The following DAPK2 variants were observed in gnomAD, a reference collection of about 807,000 sequenced individuals.
The protein encoded by DAPK2 is death associated protein kinase 2, also known as death-associated protein kinase 2.
DAPK2 carries 35 observed loss-of-function variants against 44.1 expected under a neutral mutation model. That is an observed-to-expected ratio of 0.79 (90% CI 0.61 to 1.05). The LOEUF (loss-of-function observed/expected upper bound fraction) is 1.05, where lower values mean the gene tolerates loss of function less well. Among genes scored for constraint, DAPK2 ranks in the 50% least tolerant of loss-of-function variants. The probability of loss-of-function intolerance (pLI) is 0.00; values close to 1 mark genes in which losing one functional copy is unlikely to be tolerated. For missense variants in DAPK2, 453 were observed against 483.2 expected (o/e 0.94, Z 0.59); for synonymous variants, 174 against 182.6 (o/e 0.95, Z 0.38).
chr15:64,032,779 T>C (rs2080053001), intron 1 of DAPK2, among the ~76,000 whole-genome samples: 1 of 151,760 alleles, frequency 6.6e-6, no homozygotes, highest in East Asian at 1.9e-4. Context: ...GGCGAAACCC[T>C]GTCCCTACAA....
chr15:64,017,451 T>C (rs2079561496), intron 1 of DAPK2, among the ~76,000 whole-genome samples: 1 of 152,222 alleles, frequency 6.6e-6, no homozygotes, highest in Admixed American at 6.5e-5. Flanking sequence ...GTGGCTCTGC[T>C]GGGCCTAGGA....
At chr15:64,000,367 C>A (rs901495831) in intron 1 of DAPK2, among the ~76,000 whole-genome samples, 1 of 152,186 alleles carries the variant, frequency 6.6e-6, no homozygotes, top group Non-Finnish European at 1.5e-5. Flanking sequence ...GTGCACCAAG[C>A]ATACCTGGAC....
intron 1 of DAPK2, among the ~76,000 whole-genome samples, chr15:64,001,370 T>A (rs1364902332): frequency 1.3e-5 from 2 of 152,164 alleles, no homozygotes; most frequent in Non-Finnish European, 2.9e-5. Flanking sequence ...TATGTGATGG[T>A]GTAATCTCCT....
chr15:64,030,748 G>A (rs1317776505), intron 1 of DAPK2, among the ~76,000 whole-genome samples: 1 of 152,052 alleles, frequency 6.6e-6, no homozygotes, highest in Non-Finnish European at 1.5e-5. Flanking sequence ...CGAAAAGAGC[G>A]CTTGAGGCCA....
chr15:63,912,015 T>A lies in DAPK2; in HGVS notation c.949-24A>T, dbSNP rs778610000. Reference sequence around the variant, plus strand: ...AGCTGAGGGAGGCAGAGGAAAGGAATCCCCAGGTGAGAATGTGCATGGAGA... The same window carrying A: ...AGCTGAGGGAGGCAGAGGAAAGGAAACCCCAGGTGAGAATGTGCATGGAGA... On this transcript the variant is annotated intron_variant, in intron 9 of 10. Coordinates refer to ENST00000261891, the Ensembl canonical transcript of DAPK2. This position sits in a 1 kb window ranked among gnomAD's most constrained non-coding sequence, Gnocchi z 4.4. 3 of 1,611,538 alleles carry A rather than the reference T, an allele frequency of 1.9e-6. No homozygotes were observed. Among genetic ancestry groups the A allele is most frequent in the Non-Finnish European group, 2.5e-6 (3 of 1,178,908 alleles).
intron 4 of DAPK2, chr15:63,935,725 G>A (rs895153065): frequency 6.6e-6 from 1 of 151,438 alleles, no homozygotes; most frequent in Admixed American, 6.6e-5. Context: ...TTTTCTTTTT[G>A]TATCTATTTC....
chr15:63,958,793 C>T lies in DAPK2; in HGVS notation c.453+12630G>A, dbSNP rs569901573. Among the ~76,000 whole-genome samples the T allele has an allele frequency of 3.3e-5, 5 of 152,320 alleles. No homozygotes were observed. In the East Asian group the frequency reaches 9.6e-4, roughly 29 times the overall value. ...AGTTTGAAGTCAGGTAGCATGATGCCTCCAGCTTTGTTCTTTTGGCTTAGG... is the reference window on the plus strand; with the variant it reads ...AGTTTGAAGTCAGGTAGCATGATGCTTCCAGCTTTGTTCTTTTGGCTTAGG... On this transcript the variant is annotated intron_variant, in intron 3 of 10. Transcript: ENST00000261891.
intron 1 of DAPK2, among the ~76,000 whole-genome samples, chr15:64,007,920 A>G (rs75888483): frequency 0.084 from 12,737 of 152,306 alleles, 787 homozygotes; most frequent in South Asian, 0.31. Context: ...AGCCAGTCAC[A>G]AAGGACCGCA....
chr15:63,962,421 G>C (rs2077931717), intron 3 of DAPK2, among the ~76,000 whole-genome samples: 2 of 152,198 alleles, frequency 1.3e-5, no homozygotes, highest in Non-Finnish European at 2.9e-5. Flanking sequence ...GAGGAGAAGA[G>C]GCCCTCTGAT....
chr15:63,912,252 C>T lies in DAPK2; in HGVS notation c.859-55G>A, dbSNP rs1489926960. 1 of 1,569,982 alleles carries T rather than the reference C, an allele frequency of 6.4e-7. No individual in the cohort carries two copies. The highest frequency in any genetic ancestry group is 8.7e-7 in the Non-Finnish European group (1 of 1,145,682). ...ATGCTGGGCTTCAGACAGCAGCCAC[C>T]CTCCTCGCCGCAGAACTCCCCACCC... On this transcript the variant is annotated intron_variant, in intron 8 of 10. Coordinates refer to ENST00000261891, the Ensembl canonical transcript of DAPK2. The surrounding 1 kb of genome is among the most constrained non-coding windows in gnomAD (Gnocchi z 4.4).
chr15:63,939,391 A>G lies in DAPK2; in HGVS notation c.454-30T>C. On this transcript the variant is annotated intron_variant, in intron 3 of 10. Coordinates refer to ENST00000261891, the Ensembl canonical transcript of DAPK2. This position sits in a 1 kb window ranked among gnomAD's most constrained non-coding sequence, Gnocchi z 4.3. ...ACAACAAAAAGTAGAAAAAAAAAAA[A>G]GGAAGGAAGAAAAGAAAAAAAAAGA... The G allele has an allele frequency of 1.9e-6, 3 of 1,549,146 alleles. No individual in the cohort carries two copies. Among genetic ancestry groups the G allele is most frequent in the Non-Finnish European group, 1.7e-6 (2 of 1,150,284 alleles).
At chr15:64,003,592 CTTCTT>C (rs142372837) in intron 1 of DAPK2, among the ~76,000 whole-genome samples, 2,279 of 152,006 alleles carry the variant, frequency 0.015, 61 homozygotes, top group African/African-American at 0.053. Flanking sequence ...CTTTTCCTTC[CTTCTT>C]TTCTTTTCTT....
At chr15:63,945,727 C>G (rs1174019867) in intron 3 of DAPK2, among the ~76,000 whole-genome samples, 1 of 152,196 alleles carries the variant, frequency 6.6e-6, no homozygotes, top group Non-Finnish European at 1.5e-5. Context: ...GCCTCAGCCC[C>G]CCAACTGTAA....
At chr15:64,008,509 G>T (rs1428670951) in intron 1 of DAPK2, among the ~76,000 whole-genome samples, 1 of 152,168 alleles carries the variant, frequency 6.6e-6, no homozygotes, top group Non-Finnish European at 1.5e-5. Context: ...AAAGAACATA[G>T]TTTCATAGAC....
intron 1 of DAPK2, chr15:63,991,467 C>A: frequency 2.6e-6 from 1 of 377,604 alleles, no homozygotes; most frequent in Non-Finnish European, 5.2e-6. Context: ...TACTGTCTTT[C>A]TAGTTCCTTG....
chr15:63,943,290 T>C (rs2140474560), intron 3 of DAPK2, among the ~76,000 whole-genome samples: 1 of 152,096 alleles, frequency 6.6e-6, no homozygotes, highest in East Asian at 1.9e-4. Flanking sequence ...TAGCCCAGCA[T>C]GGTGGCACAC....
At chr15:63,913,491 G>A (rs1338179349) in intron 8 of DAPK2, among the ~76,000 whole-genome samples, 1 of 152,172 alleles carries the variant, frequency 6.6e-6, no homozygotes, top group African/African-American at 2.4e-5. Context: ...TGATTCCAAA[G>A]GTCCCGGGCA....
chr15:64,005,128 T>C (rs949867392), intron 1 of DAPK2, among the ~76,000 whole-genome samples: 3 of 151,982 alleles, frequency 2.0e-5, no homozygotes, highest in Admixed American at 6.6e-5. Flanking sequence ...GGGTGCAAGA[T>C]TGTGGGTTTG....
intron 1 of DAPK2, among the ~76,000 whole-genome samples, chr15:64,032,647 G>T (rs141882498): frequency 8.3e-4 from 126 of 152,210 alleles, no homozygotes; most frequent in African/African-American, 2.6e-3. Context: ...AAGATTAGTA[G>T]GCAAGATTCA....
Sources: gnomAD v4.1 joint callset for allele counts (sites outside exome capture counted in the v4.1 genomes callset) on GRCh38, gnomAD v4.1.1 for gene constraint, Gnocchi (gnomAD v3.1) non-coding constraint, MANE v1.5 for transcripts, NCBI Gene and HGNC (gene_info 2026-07-23, HGNC 2026-07-21) for gene names.